Variants in PHLPP1 observed in about 807,000 individuals in gnomAD.
PHLPP1 encodes the protein PH domain and leucine rich repeat protein phosphatase 1, also known as PH domain leucine-rich repeat-containing protein phosphatase 1.
A neutral mutation model predicts 117.2 loss-of-function variants in PHLPP1; 42 were observed. That is an observed-to-expected ratio of 0.36 (90% CI 0.28 to 0.46). PHLPP1 has a LOEUF of 0.46. Ranked by LOEUF, PHLPP1 falls within the 20% of genes least tolerant of loss-of-function variation. PHLPP1 has a pLI of 1.00. For synonymous variants in PHLPP1, 1,042 were observed against 970.7 expected (o/e 1.07, Z -1.37); for missense variants, 2,084 against 2,241.9 (o/e 0.93, Z 1.42).
chr18:62,956,242 G>A (rs1043522194), intron 12 of PHLPP1, among the ~76,000 whole-genome samples: 4 of 152,168 alleles, frequency 2.6e-5, no homozygotes, highest in Non-Finnish European at 5.9e-5. Context: ...GGAAGTCCAA[G>A]ATGAAGGTAC....
At chr18:62,755,798 A>G (rs1911998047) in intron 1 of PHLPP1, among the ~76,000 whole-genome samples, 1 of 152,168 alleles carries the variant, frequency 6.6e-6, no homozygotes, top group Admixed American at 6.5e-5. Context: ...CTGGTAAGAT[A>G]GTTTGTATCT....
intron 1 of PHLPP1, among the ~76,000 whole-genome samples, chr18:62,793,655 A>T (rs1395128359): frequency 6.6e-6 from 1 of 152,246 alleles, no homozygotes; most frequent in Non-Finnish European, 1.5e-5. Flanking sequence ...TAAATGATTT[A>T]AGTGCTAGTT....
intron 2 of PHLPP1, chr18:62,832,094 G>A (rs1440630895): frequency 6.6e-6 from 1 of 152,202 alleles, no homozygotes; most frequent in African/African-American, 2.4e-5. Flanking sequence ...CTCTCTCTTT[G>A]TGATGCTGGG....
chr18:62,979,531 C>A lies in PHLPP1; in HGVS notation c.*100C>A. 1 of 1,296,130 alleles carries A rather than the reference C, an allele frequency of 7.7e-7. No individual in the cohort carries two copies. The highest frequency in any genetic ancestry group is 1.1e-6 in the Non-Finnish European group (1 of 951,914). 80.3% of individuals were successfully genotyped at this position (1,296,130 alleles called of 1,614,324 possible). A position where few individuals can be genotyped will look rare whatever the true frequency, so the allele number is the denominator to read the frequency against. On this transcript the variant is annotated 3_prime_UTR_variant, in exon 17 of 17. Coordinates refer to ENST00000262719, the MANE Select transcript of PHLPP1 (RefSeq NM_194449.4). Reference sequence around the variant, plus strand: ...CCAGGGGTTTTACTCCACATCCTTCCCCCAGACACTGTTCCCAACCTGTCA... The same window carrying A: ...CCAGGGGTTTTACTCCACATCCTTCACCCAGACACTGTTCCCAACCTGTCA...
At chr18:62,926,845 T>A (rs974132394) in intron 10 of PHLPP1, among the ~76,000 whole-genome samples, 2 of 152,188 alleles carry the variant, frequency 1.3e-5, no homozygotes, top group Non-Finnish European at 2.9e-5. Flanking sequence ...AGTGAGAGGA[T>A]AATTTATAAA....
In PHLPP1 at chr18:62,716,480, A is replaced by C. The variant is rs1910739292; in HGVS notation, c.797A>C (p.Glu266Ala). The C allele has an allele frequency of 1.6e-6, 2 of 1,226,150 alleles. No homozygotes were observed. Among genetic ancestry groups the C allele is most frequent in the Non-Finnish European group, 2.0e-6 (2 of 986,328 alleles). The allele number at this position is 1,226,150 out of a possible 1,614,324, so 76.0% of individuals were successfully genotyped here. ...AAREPAEPPP[E>A]AGPRLAPPEP... ...CGGGAGCCCGCTGAACCGCCCCCCG[A>C]GGCCGGCCCCCGGCTGGCGCCCCCG... Residue 266 changes from glutamate to alanine, a missense_variant, in exon 1 of 17, where the codon GAG becomes GCG. Around this residue, in one of 2 missense-constraint regions of PHLPP1, gnomAD observed 719 missense variants for 636.0 expected, o/e 1.13. Transcript: ENST00000262719. The surrounding 1 kb of genome is among the most constrained non-coding windows in gnomAD (Gnocchi z 5.7).
intron 7 of PHLPP1, 120 bp from the exon 8 acceptor site, chr18:62,905,104 A>T (rs1916812788): frequency 6.2e-6 from 3 of 484,746 alleles, no homozygotes; most frequent in Admixed American, 8.7e-5. Flanking sequence ...GATGTATTGT[A>T]CTTCCTAAAC....
At chr18:62,932,362 A>G (rs1477647111) in intron 10 of PHLPP1, among the ~76,000 whole-genome samples, 3 of 152,190 alleles carry the variant, frequency 2.0e-5, no homozygotes, top group African/African-American at 7.2e-5. Flanking sequence ...AGACACAAAA[A>G]TCTTCATCAA....
chr18:62,931,401 G>A (rs1381978283), intron 10 of PHLPP1, among the ~76,000 whole-genome samples: 9 of 151,708 alleles, frequency 5.9e-5, no homozygotes, highest in African/African-American at 1.9e-4. Flanking sequence ...AAAATCTCAA[G>A]TTAACAACTA....
At chr18:62,916,155 A>G (rs1466512462) in intron 9 of PHLPP1, among the ~76,000 whole-genome samples, 1 of 152,116 alleles carries the variant, frequency 6.6e-6, no homozygotes, top group African/African-American at 2.4e-5. Context: ...GCCCCCAGCC[A>G]GCCATTAGCC....
At chr18:62,916,388 G>T (rs951260362) in intron 9 of PHLPP1, among the ~76,000 whole-genome samples, 9 of 149,010 alleles carry the variant, frequency 6.0e-5, no homozygotes, top group African/African-American at 2.0e-4. Flanking sequence ...ATTACATGTG[G>T]CTTATATTTG....
chr18:62,823,284 G>A (rs1914518656), intron 1 of PHLPP1, among the ~76,000 whole-genome samples: 1 of 152,182 alleles, frequency 6.6e-6, no homozygotes, highest in Admixed American at 6.5e-5. Flanking sequence ...TTTGACAGAA[G>A]TCTGGGCACA....
At chr18:62,748,279 C>T (rs1468100667) in intron 1 of PHLPP1, among the ~76,000 whole-genome samples, 1 of 147,754 alleles carries the variant, frequency 6.8e-6, no homozygotes. Context: ...GGGTATCGCT[C>T]TGTCATCCAG....
At chr18:62,826,303 A>T (rs1275616195) in intron 1 of PHLPP1, 1 of 389,562 alleles carries the variant, frequency 2.6e-6, no homozygotes, top group Non-Finnish European at 5.1e-6. Context: ...GTTAGAAAAT[A>T]AGCTGACCTT....
intron 8 of PHLPP1, among the ~76,000 whole-genome samples, chr18:62,911,238 TG>T (rs1916944820): frequency 2.5e-5 from 1 of 40,294 alleles, no homozygotes; most frequent in African/African-American, 9.9e-5. Flanking sequence ...GACATAGGCG[TG>T]GGCAAGGACT....
intron 14 of PHLPP1, among the ~76,000 whole-genome samples, chr18:62,971,201 C>T (rs1276205303): frequency 6.6e-6 from 1 of 152,062 alleles, no homozygotes; most frequent in African/African-American, 2.4e-5. Context: ...GTTTGTCTTG[C>T]TTGCAGTATC....
chr18:62,763,989 T>G (rs1912358534), intron 1 of PHLPP1, among the ~76,000 whole-genome samples: 1 of 151,216 alleles, frequency 6.6e-6, no homozygotes, highest in Non-Finnish European at 1.5e-5. Context: ...ATGGAGAAAC[T>G]CCATCTCTAC....
chr18:62,964,200 G>A (rs1910844667), intron 14 of PHLPP1, among the ~76,000 whole-genome samples: 1 of 152,096 alleles, frequency 6.6e-6, no homozygotes, highest in African/African-American at 2.4e-5. Context: ...AGTATTGTAA[G>A]GAAGAACAGA....
intron 1 of PHLPP1, among the ~76,000 whole-genome samples, chr18:62,730,008 A>G (rs1197943101): frequency 1.3e-5 from 2 of 152,242 alleles, no homozygotes; most frequent in Non-Finnish European, 2.9e-5. Context: ...AGATAGAGAA[A>G]TGGAGTTACA....
Sources: allele counts gnomAD v4.1 joint callset (sites outside exome capture counted in the v4.1 genomes callset), GRCh38; gene constraint gnomAD v4.1.1; regional missense constraint gnomAD v4.1.1; non-coding constraint Gnocchi (gnomAD v3.1); transcripts MANE v1.5; gene names NCBI Gene and HGNC (gene_info 2026-07-23, HGNC 2026-07-21).